The following MIA2 variants were observed in gnomAD, a reference collection of about 807,000 sequenced individuals.
The protein encoded by MIA2 is MIA SH3 domain ER export factor 2.
MIA2 carries 127 observed loss-of-function variants against 167.8 expected under a neutral mutation model. The observed-to-expected ratio is 0.76, with a 90% CI of 0.66 to 0.88. The LOEUF is 0.88. Among genes scored for constraint, MIA2 ranks in the 40% least tolerant of loss-of-function variants. MIA2 has a pLI of 0.00. For missense variants in MIA2, 1,690 were observed against 1,624.7 expected, an observed-to-expected ratio of 1.04 and a Z score of -0.69; for synonymous variants, 552 against 541.9, an observed-to-expected ratio of 1.02 and a Z score of -0.26.
chr14:39,352,078 G>T (rs2074402141), downstream of MIA2, among the ~76,000 whole-genome samples: 1 of 151,738 alleles, frequency 6.6e-6, no homozygotes, highest in Admixed American at 6.6e-5. Flanking sequence ...TTATACTTAG[G>T]CCAGGTATAC....
intron 6 of MIA2, chr14:39,266,262 ATATATGAGATGGGTTATCCTT>A (rs529283735): frequency 1.3e-3 from 1,302 of 985,398 alleles, no homozygotes; most frequent in Non-Finnish European, 1.5e-3. Context: ...AGGAAGACAT[ATATATGAGATGGGTTATCCTT>A]TACACCTACG....
intron 23 of MIA2, among the ~76,000 whole-genome samples, chr14:39,361,131 CTCT>C (rs1204639223): frequency 6.6e-6 from 1 of 152,052 alleles, no homozygotes; most frequent in Non-Finnish European, 1.5e-5. Context: ...CTAGTTCTGG[CTCT>C]TCTTTGGTTT....
At chr14:39,326,688 T>C (rs1030360888) in intron 24 of MIA2, among the ~76,000 whole-genome samples, 176 bp from the exon 25 acceptor site, 16 of 151,034 alleles carry the variant, frequency 1.1e-4, no homozygotes, top group Non-Finnish European at 1.6e-4. Flanking sequence ...TTATAATTAC[T>C]TTATAATTAT....
At chr14:39,297,728 A>G (rs1217768830) in intron 13 of MIA2, among the ~76,000 whole-genome samples, 1 of 150,890 alleles carries the variant, frequency 6.6e-6, no homozygotes, top group Non-Finnish European at 1.5e-5. Context: ...AGAGATAGAG[A>G]ATGAATGAGA....
chr14:39,279,387 A>G (rs1431893795), intron 8 of MIA2, 29 bp downstream of exon 8: 3 of 1,605,052 alleles, frequency 1.9e-6, no homozygotes, highest in Non-Finnish European at 1.7e-6. Context: ...TTTGACTCTC[A>G]TTGTTGTGTT....
At position 39,277,043 on chromosome 14, in the gene MIA2, T is replaced by C; in HGVS notation, c.1997T>C (p.Phe666Ser). 6.2e-7 allele frequency: 1 copy of C among 1,613,786 alleles called. No individual in the cohort carries two copies. The highest frequency in any genetic ancestry group is 1.1e-5 in the South Asian group (1 of 91,050). Residue 666 changes from phenylalanine (F) to serine (S), a missense_variant, in exon 7 of 29, where the codon TTT (phenylalanine) becomes TCT (serine). Physicochemically the swap from Phe to Ser is radical, Grantham distance 155. Coordinates refer to ENST00000640607, the MANE Select transcript of MIA2 (RefSeq NM_001329214.4). ...AVVGFFAVLF[F>S]LWRSFRSVRS... ...GTTGGATTTTTTGCTGTTCTCTTTT[T>C]TTTGTGGAGAAGTTTTAGATCGGTA...
intron 22 of MIA2, 38 bp from the exon 23 acceptor site, chr14:39,319,171 G>T (rs183423409): frequency 1.6e-6 from 2 of 1,226,234 alleles, no homozygotes; most frequent in Non-Finnish European, 1.1e-6. Flanking sequence ...TGCTTCTCTT[G>T]GATGAGTAAC....
rs969880166 is a variant in MIA2 at position 39,380,607 on chromosome 14, T to C, written c.2249-6278T>C. ...ACTAGGGAGGCTGAGGCAGGAGAAT[T>C]GCTTGAACCCGGGAGGCGGAGGTTG... On this transcript the variant is annotated intron_variant, in intron 23 of 23. Transcript: ENST00000341502. 6.7e-5 allele frequency among the ~76,000 whole-genome samples: 10 copies of C among 150,090 alleles called. 1 individual carries two copies. Among genetic ancestry groups the C allele is most frequent in the Non-Finnish European group, 1.0e-4 (7 of 67,742 alleles).
chr14:39,259,186 C>T (rs890125119), intron 6 of MIA2, among the ~76,000 whole-genome samples: 7 of 152,226 alleles, frequency 4.6e-5, no homozygotes, highest in African/African-American at 1.7e-4. Flanking sequence ...TCCACAGAAG[C>T]TCTGCCCACA....
At chr14:39,300,896 A>T (rs945898604) in intron 14 of MIA2, among the ~76,000 whole-genome samples, 3 of 151,724 alleles carry the variant, frequency 2.0e-5, no homozygotes, top group African/African-American at 7.3e-5. Context: ...CAGCTTTCTG[A>T]GTTTTATTCA....
chr14:39,298,443 A>ATATATATATATATGTATGT (rs1372100362), intron 13 of MIA2, among the ~76,000 whole-genome samples: 1 of 50,056 alleles, frequency 2.0e-5, no homozygotes, highest in Non-Finnish European at 3.5e-5. Flanking sequence ...ATATATATAT[A>ATATATATATATATGTATGT]AAGATTAGTT....
At chr14:39,386,449 A>G (rs544732004) in intron 23 of MIA2, 38 of 1,543,654 alleles carry the variant, frequency 2.5e-5, no homozygotes, top group Non-Finnish European at 3.2e-5. Context: ...TTGGAGAACT[A>G]CATCTCTGAT....
chr14:39,351,397 A>C (rs758112459), downstream of MIA2: 1 of 151,440 alleles, frequency 6.6e-6, no homozygotes, highest in African/African-American at 2.4e-5. Flanking sequence ...AAAACAAAAA[A>C]CAAAAAACTA....
intron 17 of MIA2, among the ~76,000 whole-genome samples, chr14:39,308,060 T>C (rs2063643379): frequency 6.6e-6 from 1 of 152,178 alleles, no homozygotes; most frequent in African/African-American, 2.4e-5. Context: ...TTGCTGTATA[T>C]TTATATTTCT....
At chr14:39,360,806 GT>G (rs1260823475) in intron 23 of MIA2, among the ~76,000 whole-genome samples, 5 of 152,164 alleles carry the variant, frequency 3.3e-5, no homozygotes, top group African/African-American at 1.2e-4. Context: ...ATGTTTAGGT[GT>G]TTAATCCATC....
chr14:39,245,700 C>A (rs1271561412), intron 3 of MIA2, among the ~76,000 whole-genome samples: 1 of 151,444 alleles, frequency 6.6e-6, no homozygotes, highest in Non-Finnish European at 1.5e-5. Flanking sequence ...GGGGAGAAAG[C>A]GAGAGAGAGA....
intron 23 of MIA2, among the ~76,000 whole-genome samples, chr14:39,369,730 G>C (rs2074897217): frequency 6.6e-6 from 1 of 152,102 alleles, no homozygotes; most frequent in Non-Finnish European, 1.5e-5. Flanking sequence ...CATGTGCTTT[G>C]TCTGCCATCT....
intron 24 of MIA2, among the ~76,000 whole-genome samples, chr14:39,323,955 C>T (rs1398210665): frequency 6.6e-6 from 1 of 152,096 alleles, no homozygotes; most frequent in Non-Finnish European, 1.5e-5. Flanking sequence ...AGAGTTGATC[C>T]GAACTAAAAG....
At chr14:39,268,075 A>T (rs943465562) in intron 6 of MIA2, among the ~76,000 whole-genome samples, 1 of 151,596 alleles carries the variant, frequency 6.6e-6, no homozygotes, top group Non-Finnish European at 1.5e-5. Flanking sequence ...TGTACAGTCT[A>T]GAGATAGTAA....
Sources: gnomAD v4.1 joint callset for allele counts (sites outside exome capture counted in the v4.1 genomes callset) on GRCh38, gnomAD v4.1.1 for gene constraint, MANE v1.5 for transcripts, NCBI Gene and HGNC (gene_info 2026-07-23, HGNC 2026-07-21) for gene names.